COL6A6: variants seen among roughly 807,000 people sequenced by gnomAD.
COL6A6 encodes the protein collagen type VI alpha 6 chain, also known as collagen alpha-6(VI) chain.
A neutral mutation model predicts 208.6 loss-of-function variants in COL6A6; 183 were observed. The observed-to-expected ratio is 0.88, with a 90% CI of 0.78 to 0.99. The LOEUF (loss-of-function observed/expected upper bound fraction) is 0.99, where lower values mean the gene tolerates loss of function less well. Among genes scored for constraint, COL6A6 ranks in the 50% least tolerant of loss-of-function variants. The probability of loss-of-function intolerance (pLI) is 0.00; values close to 1 mark genes in which losing one functional copy is unlikely to be tolerated. For missense variants in COL6A6, 2,816 were observed against 2,815.2 expected (o/e 1.00, Z -0.01); for synonymous variants, 973 against 1,011.8 (o/e 0.96, Z 0.73).
At chr3:130,537,196 A>G (rs1290345860) in intron 1 of COL6A6, among the ~76,000 whole-genome samples, 4 of 152,256 alleles carry the variant, frequency 2.6e-5, no homozygotes, top group Non-Finnish European at 5.9e-5. Context: ...TAGGGACACT[A>G]CATTCACATT....
intron 1 of COL6A6, among the ~76,000 whole-genome samples, chr3:130,519,088 T>A (rs1048838383): frequency 6.6e-6 from 1 of 152,248 alleles, no homozygotes; most frequent in Admixed American, 6.5e-5. Context: ...TCAGATAGTC[T>A]GAATTTCAGA....
At chr3:130,535,167 C>T (rs2062195177) in intron 1 of COL6A6, among the ~76,000 whole-genome samples, 1 of 152,070 alleles carries the variant, frequency 6.6e-6, no homozygotes, top group Non-Finnish European at 1.5e-5. Context: ...CAGTTGTTCT[C>T]ACTCCAGGCT....
At chr3:130,530,881 A>G (rs1261672709) in intron 1 of COL6A6, among the ~76,000 whole-genome samples, 3 of 152,164 alleles carry the variant, frequency 2.0e-5, no homozygotes, top group African/African-American at 7.2e-5. Flanking sequence ...TTCAGACTTA[A>G]GATGGCAACA....
In COL6A6 at chr3:130,675,509, T is replaced by G. The variant is rs559338951; in HGVS notation, c.*112T>G. On this transcript the variant is annotated 3_prime_UTR_variant, in exon 37 of 37. Transcript: ENST00000358511. ...ACAGTTTGTAGGTTATCAGGTGACT[T>G]GACCCCCTGCATTCATTGGTATTAA... 102 of 723,664 alleles carry G rather than the reference T, an allele frequency of 1.4e-4. No individual in the cohort carries two copies. The Admixed American group carries it at 1.5e-3, about 11-fold the overall frequency. 44.8% of individuals were successfully genotyped at this position (723,664 alleles called of 1,614,324 possible).
At position 130,591,074 on chromosome 3, in the gene COL6A6, C is replaced by G. The variant is rs1419584694; in HGVS notation, c.4252C>G (p.Leu1418Val). ...AGGTTTTAAAGGCAGTGAAGGCTAC[C>G]TGGGAGAGGAGGGAATCGCTGTAAG... Reference protein sequence around the residue: ...PPGFKGSEGYLGEEGIAGERG... With the variant: ...PPGFKGSEGYVGEEGIAGERG... The change falls in exon 13 of 37, where the codon CTG becomes GTG. Residue 1418 changes from leucine to valine, a missense_variant. Leu to Val is a conservative substitution (Grantham distance 32). Transcript: ENST00000358511. The G allele has an allele frequency of 4.7e-5, 74 of 1,584,316 alleles. No individual in the cohort carries two copies. Among genetic ancestry groups the G allele is most frequent in the Non-Finnish European group, 6.4e-5 (74 of 1,163,454 alleles).
intron 1 of COL6A6, among the ~76,000 whole-genome samples, chr3:130,546,359 C>T (rs781705130): frequency 6.6e-5 from 10 of 152,058 alleles, no homozygotes; most frequent in Non-Finnish European, 8.8e-5. Flanking sequence ...TTCGTGGTCT[C>T]GCTGGCCTCA....
At chr3:130,536,070 T>G (rs912036192) in intron 1 of COL6A6, among the ~76,000 whole-genome samples, 4 of 152,340 alleles carry the variant, frequency 2.6e-5, no homozygotes, top group African/African-American at 7.2e-5. Context: ...GTGAGCCAAA[T>G]TTTCTATTTT....
At chr3:130,530,674 G>C (rs1003867465) in intron 1 of COL6A6, among the ~76,000 whole-genome samples, 1 of 152,190 alleles carries the variant, frequency 6.6e-6, no homozygotes, top group East Asian at 1.9e-4. Context: ...CCTTTGGCTA[G>C]GCTGTGGGGC....
Position 130,581,866 on chromosome 3 carries a change from T to G in COL6A6, c.3853T>G (p.Trp1285Gly). ...LLNANLLDSL[W>G]DTFQNKSAAR... ...CAATGCAAACCTCTTGGATTCTCTA[T>G]GGGATACATTTCAGAATAAATCAGC... Residue 1285 changes from tryptophan to glycine, a missense_variant, in exon 9 of 37, where the codon TGG becomes GGG. Physicochemically the swap from Trp to Gly is radical, Grantham distance 184. Coordinates refer to ENST00000358511, the MANE Select transcript of COL6A6 (RefSeq NM_001102608.3). 4 of 1,611,498 alleles carry G rather than the reference T, an allele frequency of 2.5e-6. No homozygotes were observed. The highest frequency in any genetic ancestry group is 3.4e-6 in the Non-Finnish European group (4 of 1,178,348).
At chr3:130,592,442 C>A in intron 13 of COL6A6, 99 bp from the exon 14 acceptor site, 1 of 826,698 alleles carries the variant, frequency 1.2e-6, no homozygotes, top group Non-Finnish European at 2.0e-6. Flanking sequence ...GAACCATGAG[C>A]ATTCACACTT....
chr3:130,642,196 T>C (rs1250566931), intron 29 of COL6A6, among the ~76,000 whole-genome samples: 2 of 151,786 alleles, frequency 1.3e-5, no homozygotes, highest in Admixed American at 1.3e-4. Flanking sequence ...CACATAAGAT[T>C]AAAACCAGTT....
Position 130,581,738 on chromosome 3 carries a change from A to C in COL6A6, c.3725A>C (p.Gln1242Pro). 6.2e-7 allele frequency: 1 copy of C among 1,613,976 alleles called. No individual in the cohort carries two copies. Among genetic ancestry groups the C allele is most frequent in the Non-Finnish European group, 8.5e-7 (1 of 1,179,858 alleles). The change falls in exon 9 of 37, where the codon CAA (glutamine) becomes CCA (proline). Residue 1242 changes from glutamine to proline, a missense_variant. Transcript: ENST00000358511. The part of the protein sequence containing the change: ...GTETQVSVAF[Q>P]VTNAMEKYSP... ...GAGACTCAGGTCAGTGTGGCTTTTC[A>C]AGTGACCAATGCCATGGAAAAATAT...
In COL6A6 at chr3:130,568,548, A is replaced by G; in HGVS notation, c.2345A>G (p.Asp782Gly). 1 of 1,609,982 alleles carries G rather than the reference A, an allele frequency of 6.2e-7. No individual in the cohort carries two copies. The highest frequency in any genetic ancestry group is 8.5e-7 in the Non-Finnish European group (1 of 1,179,822). ...PEMVFYVENF[D>G]ILQRIEDDLV... ...ATGGTTTTTTATGTTGAGAATTTTG[A>G]CATTCTGCAGCGCATTGAAGATGAT... The change falls in exon 6 of 37, where the codon GAC becomes GGC. Residue 782 changes from aspartate (D) to glycine (G), a missense_variant. Coordinates refer to ENST00000358511, the MANE Select transcript of COL6A6 (RefSeq NM_001102608.3).
chr3:130,591,793 G>T (rs2063722048), intron 13 of COL6A6, among the ~76,000 whole-genome samples: 1 of 152,206 alleles, frequency 6.6e-6, no homozygotes, highest in Non-Finnish European at 1.5e-5. Context: ...GAGTGTGGCA[G>T]AACAACTCAG....
intron 8 of COL6A6, among the ~76,000 whole-genome samples, chr3:130,576,822 A>C (rs1294296804): frequency 6.6e-6 from 1 of 152,208 alleles, no homozygotes; most frequent in African/African-American, 2.4e-5. Context: ...AGGGGATGCC[A>C]GTTCTTTTTA....
chr3:130,644,836 G>A (rs1041315633), intron 31 of COL6A6, among the ~76,000 whole-genome samples, 155 bp from the exon 32 acceptor site: 3 of 152,194 alleles, frequency 2.0e-5, no homozygotes, highest in Non-Finnish European at 4.4e-5. Context: ...TTACCAAGAT[G>A]TTAGACTCTG....
intron 32 of COL6A6, among the ~76,000 whole-genome samples, chr3:130,648,186 A>G (rs1250456503): frequency 6.6e-6 from 1 of 152,256 alleles, no homozygotes; most frequent in Non-Finnish European, 1.5e-5. Flanking sequence ...TTTACCAACC[A>G]TAATCAGTTT....
intron 29 of COL6A6, among the ~76,000 whole-genome samples, chr3:130,642,255 G>C (rs1035880564): frequency 3.0e-5 from 3 of 101,624 alleles, no homozygotes; most frequent in African/African-American, 9.6e-5. Flanking sequence ...GTGTGTGTGT[G>C]TGTGTGTGTG....
intron 10 of COL6A6, among the ~76,000 whole-genome samples, chr3:130,584,866 G>A (rs1228699417): frequency 3.3e-5 from 5 of 151,890 alleles, no homozygotes; most frequent in East Asian, 1.9e-4. Flanking sequence ...CGCCTGCCTC[G>A]GCCTCCCAGA....
Sources: gnomAD v4.1 joint callset for allele counts (sites outside exome capture counted in the v4.1 genomes callset) on GRCh38, gnomAD v4.1.1 for gene constraint, MANE v1.5 for transcripts, NCBI Gene and HGNC (gene_info 2026-07-23, HGNC 2026-07-21) for gene names.